ELMO1: variants seen among roughly 807,000 people sequenced by gnomAD.
The protein encoded by ELMO1 is engulfment and cell motility 1, also known as engulfment and cell motility protein 1.
Under a neutral mutation model 98.9 loss-of-function variants are expected in ELMO1, and 26 were observed. The observed-to-expected ratio is 0.26, with a 90% CI of 0.19 to 0.36. The LOEUF is 0.36. Among genes scored for constraint, ELMO1 ranks in the 10% least tolerant of loss-of-function variants. The pLI, the probability that ELMO1 is intolerant of heterozygous loss-of-function variation, is 1.00. For synonymous variants in ELMO1, 346 were observed against 346.0 expected, an observed-to-expected ratio of 1.00 and a Z score of 0.00; for missense variants, 627 against 935.2, an observed-to-expected ratio of 0.67 and a Z score of 4.30.
chr7:37,180,036 A>C (rs1314015900), intron 13 of ELMO1, among the ~76,000 whole-genome samples: 2 of 149,984 alleles, frequency 1.3e-5, no homozygotes, highest in Non-Finnish European at 2.9e-5. Flanking sequence ...AGCAAATTCC[A>C]TTTTGCCACA....
At chr7:36,925,700 A>C (rs1785511135) in intron 16 of ELMO1, among the ~76,000 whole-genome samples, 1 of 152,350 alleles carries the variant, frequency 6.6e-6, no homozygotes, top group African/African-American at 2.4e-5. Context: ...TTTTTTAACA[A>C]GCAATTTTTA....
intron 13 of ELMO1, among the ~76,000 whole-genome samples, chr7:37,207,043 C>T (rs1454229941): frequency 6.6e-6 from 1 of 152,116 alleles, no homozygotes; most frequent in Non-Finnish European, 1.5e-5. Flanking sequence ...GGAAATAAAC[C>T]AGAGACAAAT....
Position 37,096,684 on chromosome 7 carries a change from G to A in ELMO1, c.1235C>T (p.Pro412Leu), listed in dbSNP as rs767270406. 1.2e-6 allele frequency: 2 copies of A among 1,614,106 alleles called. No homozygotes were observed. The highest frequency in any genetic ancestry group is 4.5e-5 in the East Asian group (2 of 44,876). The change falls in exon 15 of 22, where the codon CCC becomes CTC. Residue 412 changes from proline (P) to leucine (L), a missense_variant. Transcript: ENST00000310758. ...CAGCTCTATACTACTGCGGCCAAAG[G>A]GACATTCATGCTTGTCTTCTCGACT... ...NSSREDKHEC[P>L]FGRSSIELTK...
chr7:36,945,726 T>C (rs1376476057), intron 16 of ELMO1, among the ~76,000 whole-genome samples: 1 of 152,164 alleles, frequency 6.6e-6, no homozygotes, highest in Non-Finnish European at 1.5e-5. Flanking sequence ...CCTGCTAACA[T>C]AATAGCCTGA....
chr7:37,155,223 A>G (rs920398152), intron 13 of ELMO1, among the ~76,000 whole-genome samples: 2 of 152,218 alleles, frequency 1.3e-5, no homozygotes, highest in African/African-American at 4.8e-5. Context: ...TGTAAAGACC[A>G]CTGATGCTAG....
At chr7:36,912,591 G>A (rs1784414847) in intron 16 of ELMO1, among the ~76,000 whole-genome samples, 1 of 152,218 alleles carries the variant, frequency 6.6e-6, no homozygotes, top group African/African-American at 2.4e-5. Context: ...CTTACCTGTA[G>A]TAGAAAGGAG....
intron 2 of ELMO1, among the ~76,000 whole-genome samples, chr7:37,337,401 A>G (rs1186900444): frequency 1.3e-5 from 2 of 152,088 alleles, no homozygotes; most frequent in Non-Finnish European, 2.9e-5. Flanking sequence ...GGGGAGGGAT[A>G]GCATTAGGCG....
At chr7:36,864,138 C>G (rs1178522962) in intron 20 of ELMO1, among the ~76,000 whole-genome samples, 1 of 152,214 alleles carries the variant, frequency 6.6e-6, no homozygotes, top group Non-Finnish European at 1.5e-5. Flanking sequence ...CGTGGCTGAT[C>G]ACCCCTTGCT....
At chr7:37,394,706 A>T (rs185940005) in intron 1 of ELMO1, among the ~76,000 whole-genome samples, 1 of 152,242 alleles carries the variant, frequency 6.6e-6, no homozygotes, top group Admixed American at 6.5e-5. Context: ...TTTTGCATCA[A>T]TGTGAGAAGT....
intron 14 of ELMO1, among the ~76,000 whole-genome samples, chr7:37,130,546 GGATGAGGAAAGTGCT>G (rs2129297109): frequency 6.6e-6 from 1 of 152,336 alleles, no homozygotes; most frequent in South Asian, 2.1e-4. Flanking sequence ...ACGAGACAAA[GGATGAGGAAAGTGCT>G]CTGCATTTGG....
At chr7:37,041,658 A>T (rs1795515543) in intron 15 of ELMO1, among the ~76,000 whole-genome samples, 2 of 152,160 alleles carry the variant, frequency 1.3e-5, no homozygotes, top group Non-Finnish European at 2.9e-5. Flanking sequence ...ATTTAAATTG[A>T]AGTCACAGCC....
intron 1 of ELMO1, among the ~76,000 whole-genome samples, chr7:37,433,457 C>A (rs1805017222): frequency 6.6e-6 from 1 of 152,186 alleles, no homozygotes; most frequent in Non-Finnish European, 1.5e-5. Flanking sequence ...CCACACATAT[C>A]ATATGGTCCA....
chr7:36,904,517 A>G (rs1022820083), intron 16 of ELMO1, among the ~76,000 whole-genome samples: 6 of 152,214 alleles, frequency 3.9e-5, no homozygotes, highest in Non-Finnish European at 8.8e-5. Context: ...GCAGTTCAGC[A>G]CAGGTGCTCA....
At chr7:37,226,508 G>A (rs1400036313) in intron 8 of ELMO1, among the ~76,000 whole-genome samples, 4 of 152,062 alleles carry the variant, frequency 2.6e-5, no homozygotes, top group Non-Finnish European at 4.4e-5. Flanking sequence ...TCTAAACAGA[G>A]GATAAATTAT....
At chr7:37,442,981 G>A (rs986434963) in intron 1 of ELMO1, among the ~76,000 whole-genome samples, 4 of 152,192 alleles carry the variant, frequency 2.6e-5, no homozygotes, top group Non-Finnish European at 5.9e-5. Context: ...GTATGCTTGT[G>A]ACATTTCATT....
At chr7:36,965,952 T>A (rs1789392071) in intron 16 of ELMO1, among the ~76,000 whole-genome samples, 1 of 152,212 alleles carries the variant, frequency 6.6e-6, no homozygotes. Flanking sequence ...ATATTTCATT[T>A]TGTCCCCTTA....
chr7:37,117,949 T>G (rs1464523539), intron 14 of ELMO1, among the ~76,000 whole-genome samples: 1 of 152,202 alleles, frequency 6.6e-6, no homozygotes, highest in Non-Finnish European at 1.5e-5. Flanking sequence ...ATAATTTTAT[T>G]TTTAAAAAAA....
At chr7:36,987,180 A>G (rs1024705697) in intron 16 of ELMO1, among the ~76,000 whole-genome samples, 1 of 152,036 alleles carries the variant, frequency 6.6e-6, no homozygotes, top group Non-Finnish European at 1.5e-5. Context: ...ATCTCCCTGG[A>G]TTTCCTCAGC....
chr7:37,262,096 T>C (rs1796007765), intron 5 of ELMO1, among the ~76,000 whole-genome samples: 1 of 152,218 alleles, frequency 6.6e-6, no homozygotes, highest in Non-Finnish European at 1.5e-5. Context: ...TACCTACTCT[T>C]ATTAATATAT....
Sources: allele counts gnomAD v4.1 joint callset (sites outside exome capture counted in the v4.1 genomes callset), GRCh38; gene constraint gnomAD v4.1.1; transcripts MANE v1.5; gene names NCBI Gene and HGNC (gene_info 2026-07-23, HGNC 2026-07-21).